Variants in NALF1 observed in about 807,000 individuals in gnomAD.
NALF1 encodes the protein NALCN channel auxiliary factor 1, also known as family with sequence similarity 155 member A.
A neutral mutation model predicts 48.4 loss-of-function variants in NALF1; 3 were observed. The ratio of observed to expected loss-of-function variants is 0.06; its 90% CI spans 0.03 to 0.16. NALF1 has a LOEUF of 0.16. Among genes scored for constraint, NALF1 ranks in the 10% least tolerant of loss-of-function variants. The pLI, the probability that NALF1 is intolerant of heterozygous loss-of-function variation, is 1.00. For missense variants in NALF1, 526 were observed against 571.5 expected, an observed-to-expected ratio of 0.92 and a Z score of 0.81; for synonymous variants, 262 against 245.7, an observed-to-expected ratio of 1.07 and a Z score of -0.62.
intron 1 of NALF1, among the ~76,000 whole-genome samples, chr13:107,813,250 G>A (rs2138608649): frequency 6.6e-6 from 1 of 152,176 alleles, no homozygotes; most frequent in Non-Finnish European, 1.5e-5. Context: ...AGTGAACAAT[G>A]AAACCAAAGC....
chr13:107,786,061 A>G (rs150999729), intron 1 of NALF1, among the ~76,000 whole-genome samples: 1 of 152,270 alleles, frequency 6.6e-6, no homozygotes, highest in African/African-American at 2.4e-5. Context: ...AGTTTCTTTT[A>G]GAAGAGCAAA....
Position 107,211,180 on chromosome 13 carries a change from T to A in NALF1, c.916-425A>T, listed in dbSNP as rs375555688. On this transcript the variant is annotated intron_variant, in intron 1 of 2. Coordinates refer to ENST00000375915, the MANE Select transcript of NALF1 (RefSeq NM_001080396.3). Reference sequence around the variant, plus strand: ...ACGGAGTCCCACGTCTATGCCTCCATAGGACGCTAGATGGCGCGAAGCACT... The same window carrying A: ...ACGGAGTCCCACGTCTATGCCTCCAAAGGACGCTAGATGGCGCGAAGCACT... Among the ~76,000 whole-genome samples, 212 of 152,262 alleles carry A rather than the reference T, an allele frequency of 1.4e-3. 1 individual carries two copies. The highest frequency in any genetic ancestry group is 4.6e-3 in the South Asian group (22 of 4,824).
At chr13:107,243,742 A>T (rs1190915573) in intron 1 of NALF1, among the ~76,000 whole-genome samples, 1 of 152,206 alleles carries the variant, frequency 6.6e-6, no homozygotes, top group Non-Finnish European at 1.5e-5. Context: ...CGTGTTAGAT[A>T]AGCAGGTCAT....
At chr13:107,193,968 A>C (rs1367876786) in intron 2 of NALF1, among the ~76,000 whole-genome samples, 1 of 152,094 alleles carries the variant, frequency 6.6e-6, no homozygotes, top group African/African-American at 2.4e-5. Context: ...ATCTACCACC[A>C]ATACATCTTT....
At chr13:107,365,977 G>A (rs181792549) in intron 1 of NALF1, among the ~76,000 whole-genome samples, 6 of 152,288 alleles carry the variant, frequency 3.9e-5, no homozygotes, top group African/African-American at 7.2e-5. Flanking sequence ...AAAGCCTCTC[G>A]TGGGCTCTGT....
intron 1 of NALF1, among the ~76,000 whole-genome samples, chr13:107,629,666 G>A (rs719184): frequency 0.58 from 88,130 of 151,826 alleles, 27,996 homozygotes; most frequent in East Asian, 0.99. Context: ...AGTCCTTCTC[G>A]ATAACTCCTT....
chr13:107,629,745 T>A (rs1219448506), intron 1 of NALF1, among the ~76,000 whole-genome samples: 2 of 152,208 alleles, frequency 1.3e-5, no homozygotes, highest in African/African-American at 4.8e-5. Flanking sequence ...TAGATAGAAA[T>A]GTTTTACAGT....
intron 1 of NALF1, among the ~76,000 whole-genome samples, chr13:107,262,958 G>A (rs146530862): frequency 7.9e-5 from 12 of 152,268 alleles, no homozygotes; most frequent in Non-Finnish European, 8.8e-5. Flanking sequence ...GACTCGTTGC[G>A]TGTATAGGAA....
At chr13:107,785,441 A>C (rs1405828810) in intron 1 of NALF1, among the ~76,000 whole-genome samples, 1 of 152,204 alleles carries the variant, frequency 6.6e-6, no homozygotes. Flanking sequence ...TAAGTGAAGT[A>C]ACTCAGGTAT....
chr13:107,183,388 G>T (rs1383982027), intron 2 of NALF1, among the ~76,000 whole-genome samples: 1 of 152,198 alleles, frequency 6.6e-6, no homozygotes, highest in Admixed American at 6.5e-5. Context: ...CTTTTATACT[G>T]TTGGCGGGAA....
At chr13:107,697,331 A>G (rs1881722013) in intron 1 of NALF1, among the ~76,000 whole-genome samples, 1 of 152,154 alleles carries the variant, frequency 6.6e-6, no homozygotes, top group Non-Finnish European at 1.5e-5. Flanking sequence ...AATACCTCAC[A>G]TGAAGATTCT....
Position 107,355,532 on chromosome 13 carries a change from G to A in NALF1, c.916-144777C>T, listed in dbSNP as rs575707449. On this transcript the variant is annotated intron_variant, in intron 1 of 2. Coordinates refer to ENST00000375915, the MANE Select transcript of NALF1 (RefSeq NM_001080396.3). ...AATAGAATTGTAGTTCCTATTGCTC[G>A]GGGAGGGACCTGGCGGGGGGTGAGT... 1.3e-3 allele frequency among the ~76,000 whole-genome samples: 195 copies of A among 152,180 alleles called. 2 individuals are homozygous for A. The highest frequency in any genetic ancestry group is 4.4e-3 in the African/African-American group (184 of 41,520).
intron 1 of NALF1, among the ~76,000 whole-genome samples, chr13:107,291,216 C>G (rs9555342): frequency 6.6e-6 from 1 of 151,806 alleles, no homozygotes; most frequent in Admixed American, 6.6e-5. Context: ...TTCCCATTAA[C>G]TATATTGATA....
rs1880457616 is a variant in NALF1 at position 107,651,856 on chromosome 13, T to G, written c.915+213826A>C. Among the ~76,000 whole-genome samples, 2 of 152,148 alleles carry G rather than the reference T, an allele frequency of 1.3e-5. 1 individual carries two copies. The highest frequency in any genetic ancestry group is 2.9e-5 in the Non-Finnish European group (2 of 68,032). On this transcript the variant is annotated intron_variant, in intron 1 of 2. Coordinates refer to ENST00000375915, the MANE Select transcript of NALF1 (RefSeq NM_001080396.3). The stretch of plus-strand genomic sequence containing the variant: ...GAATAGAGGGAAGGATGGAAAGAAG[T>G]AAGGAGGCATCTTACTCTCTGATGT...
At chr13:107,864,065 T>A (rs1319661902) in intron 1 of NALF1, among the ~76,000 whole-genome samples, 1 of 152,206 alleles carries the variant, frequency 6.6e-6, no homozygotes, top group Non-Finnish European at 1.5e-5. Flanking sequence ...TTCCTTTTCT[T>A]TACAATTTCA....
In NALF1 at chr13:107,175,057, T is replaced by G. The variant is rs1201980711; in HGVS notation, c.1088-4271A>C. ...CGCCACGACGCCCGGCTAACTTTTT[T>G]TTTTTGTATTTTTAGTAGAGACGGG... On this transcript the variant is annotated intron_variant, in intron 2 of 2. Coordinates refer to ENST00000375915, the MANE Select transcript of NALF1 (RefSeq NM_001080396.3). Among the ~76,000 whole-genome samples, 2 of 21,484 alleles carry G rather than the reference T, an allele frequency of 9.3e-5. 1 individual carries two copies. The highest frequency in any genetic ancestry group is 1.8e-4 in the Non-Finnish European group (2 of 11,044). 14.1% of individuals were successfully genotyped at this position (21,484 alleles called of 152,430 possible).
chr13:107,614,566 T>C (rs1235410402), intron 1 of NALF1, among the ~76,000 whole-genome samples: 1 of 152,146 alleles, frequency 6.6e-6, no homozygotes, highest in Non-Finnish European at 1.5e-5. Context: ...CTTAGAACAT[T>C]ATAAGTGCTG....
intron 1 of NALF1, among the ~76,000 whole-genome samples, chr13:107,374,052 T>G (rs901711500): frequency 2.6e-5 from 4 of 152,238 alleles, no homozygotes; most frequent in Admixed American, 6.5e-5. Flanking sequence ...ATTAAAATAT[T>G]CACTTCTCTG....
chr13:107,778,760 C>A, intron 1 of NALF1, among the ~76,000 whole-genome samples: 1 of 152,116 alleles, frequency 6.6e-6, no homozygotes, highest in East Asian at 1.9e-4. Context: ...GCTGAACCCT[C>A]TTTCTTCCCT....
Sources: allele counts gnomAD v4.1 joint callset (sites outside exome capture counted in the v4.1 genomes callset), GRCh38; gene constraint gnomAD v4.1.1; transcripts MANE v1.5; gene names NCBI Gene and HGNC (gene_info 2026-07-23, HGNC 2026-07-21).